Variants in PRKG1 observed in about 807,000 individuals in gnomAD.
The protein encoded by PRKG1 is cGMP-dependent protein kinase 1.
A neutral mutation model predicts 88.1 loss-of-function variants in PRKG1; 35 were observed. The observed-to-expected ratio is 0.40, with a 90% CI of 0.30 to 0.53. The LOEUF (loss-of-function observed/expected upper bound fraction) is 0.53. Ranked by LOEUF, PRKG1 falls within the 20% of genes least tolerant of loss-of-function variation. The pLI is 0.59. For missense variants in PRKG1, 540 were observed against 839.8 expected (o/e 0.64, Z 4.41); for synonymous variants, 303 against 292.5 (o/e 1.04, Z -0.37).
At chr10:51,031,492 T>C (rs565387246) in intron 1 of PRKG1, among the ~76,000 whole-genome samples, 1 of 152,298 alleles carries the variant, frequency 6.6e-6, no homozygotes, top group African/African-American at 2.4e-5. Flanking sequence ...ATTTATTATC[T>C]AGACCCAAGG....
chr10:51,975,927 A>G (rs983210546), intron 5 of PRKG1, among the ~76,000 whole-genome samples: 1 of 152,068 alleles, frequency 6.6e-6, no homozygotes, highest in Non-Finnish European at 1.5e-5. Flanking sequence ...ATAAAAAGAT[A>G]AATAACCCAA....
At chr10:51,706,962 G>C (rs1411876221) in intron 3 of PRKG1, among the ~76,000 whole-genome samples, 2 of 152,022 alleles carry the variant, frequency 1.3e-5, no homozygotes, top group African/African-American at 2.4e-5. Flanking sequence ...AGAGACACAA[G>C]TTTTAGTCTG....
intron 9 of PRKG1, among the ~76,000 whole-genome samples, chr10:52,190,092 G>A (rs1839325718): frequency 6.6e-6 from 1 of 152,162 alleles, no homozygotes; most frequent in Non-Finnish European, 1.5e-5. Flanking sequence ...AGCTCAAATA[G>A]TCCAAATTAG....
chr10:51,478,167 G>A (rs891873239), intron 3 of PRKG1, among the ~76,000 whole-genome samples: 5 of 151,996 alleles, frequency 3.3e-5, no homozygotes, highest in Non-Finnish European at 7.4e-5. Context: ...CTGAGGAGGC[G>A]CCAAGTATAT....
intron 2 of PRKG1, among the ~76,000 whole-genome samples, chr10:51,246,363 A>G (rs1839289632): frequency 6.6e-6 from 1 of 152,082 alleles, no homozygotes; most frequent in African/African-American, 2.4e-5. Flanking sequence ...CAGACAGCAT[A>G]GATAGAGAGA....
chr10:52,085,966 G>A (rs895921627), intron 7 of PRKG1, among the ~76,000 whole-genome samples: 1 of 151,960 alleles, frequency 6.6e-6, no homozygotes, highest in African/African-American at 2.4e-5. Context: ...CTTTACATGA[G>A]ATTCTACAGT....
At chr10:51,406,361 C>T (rs774945013) in intron 2 of PRKG1, among the ~76,000 whole-genome samples, 2 of 152,048 alleles carry the variant, frequency 1.3e-5, no homozygotes, top group Non-Finnish European at 1.5e-5. Context: ...CATGGCATAC[C>T]GTCTTCCTCA....
At chr10:52,064,473 C>T (rs947467530) in intron 7 of PRKG1, among the ~76,000 whole-genome samples, 4 of 152,226 alleles carry the variant, frequency 2.6e-5, no homozygotes, top group Admixed American at 6.5e-5. Flanking sequence ...GTCTAGCTAC[C>T]TCCAAGAGGG....
rs186843536 is a variant in PRKG1 at position 51,659,733 on chromosome 10, T to C, written c.593-144852T>C. Among the ~76,000 whole-genome samples the C allele has an allele frequency of 3.6e-3, 549 of 152,188 alleles. 2 individuals are homozygous for C. Among genetic ancestry groups the C allele is most frequent in the African/African-American group, 0.013 (522 of 41,542 alleles). On this transcript the variant is annotated intron_variant, in intron 3 of 17. Coordinates refer to ENST00000373980, the MANE Select transcript of PRKG1 (RefSeq NM_006258.4). ...CCTATTTATGGAAAAGTATACAAAA[T>C]TGCAAATGCAAACTTGCTAGAGCTC...
chr10:51,426,840 G>T (rs1311341762), intron 2 of PRKG1, among the ~76,000 whole-genome samples: 1 of 152,148 alleles, frequency 6.6e-6, no homozygotes, highest in East Asian at 1.9e-4. Flanking sequence ...GTGCAAGGTG[G>T]ACTTACAGAA....
chr10:51,742,360 A>G (rs767549083), intron 3 of PRKG1, among the ~76,000 whole-genome samples: 1 of 152,208 alleles, frequency 6.6e-6, no homozygotes, highest in Non-Finnish European at 1.5e-5. Context: ...AGAAGATATA[A>G]TAAGGAGAAT....
At chr10:51,830,984 A>G (rs2132752230) in intron 4 of PRKG1, among the ~76,000 whole-genome samples, 1 of 151,842 alleles carries the variant, frequency 6.6e-6, no homozygotes, top group East Asian at 1.9e-4. Flanking sequence ...TTTCCTTACC[A>G]GTTCCACTAG....
At chr10:52,142,786 T>C (rs1837618026) in intron 8 of PRKG1, among the ~76,000 whole-genome samples, 1 of 152,190 alleles carries the variant, frequency 6.6e-6, no homozygotes, top group Admixed American at 6.6e-5. Context: ...TTGGTTCGCC[T>C]GTTGATTTTC....
intron 11 of PRKG1, 29 bp downstream of exon 11, chr10:52,271,518 AC>A: frequency 6.2e-7 from 1 of 1,600,068 alleles, no homozygotes; most frequent in East Asian, 2.2e-5. Context: ...GGACAGACGT[AC>A]CCAACTCCAA....
At chr10:51,857,667 G>A (rs1415030532) in intron 4 of PRKG1, among the ~76,000 whole-genome samples, 8 of 152,172 alleles carry the variant, frequency 5.3e-5, no homozygotes, top group Admixed American at 3.9e-4. Context: ...GGCAATCAGC[G>A]GAAGGGAAAT....
chr10:52,013,039 T>A (rs7893146), intron 5 of PRKG1, among the ~76,000 whole-genome samples: 11 of 152,016 alleles, frequency 7.2e-5, no homozygotes, highest in African/African-American at 2.7e-4. Flanking sequence ...AATGTTGTAG[T>A]CTAATAAAAT....
At chr10:51,934,258 C>CCA (rs1554857095) in intron 5 of PRKG1, among the ~76,000 whole-genome samples, 1 of 146,282 alleles carries the variant, frequency 6.8e-6, no homozygotes, top group East Asian at 2.0e-4. Flanking sequence ...ACACATACCC[C>CCA]CCCCCCAACA....
At chr10:52,237,925 C>A (rs61849164) in intron 9 of PRKG1, among the ~76,000 whole-genome samples, 34,545 of 137,298 alleles carry the variant, frequency 0.25, 4,375 homozygotes, top group Admixed American at 0.27. Context: ...AACTATACTG[C>A]AAGGCTACAG....
At chr10:51,551,808 A>T (rs1837143008) in intron 3 of PRKG1, among the ~76,000 whole-genome samples, 1 of 151,714 alleles carries the variant, frequency 6.6e-6, no homozygotes, top group South Asian at 2.1e-4. Flanking sequence ...TGCTTATTTG[A>T]AGTACTTTTC....
Sources: allele counts gnomAD v4.1 joint callset (sites outside exome capture counted in the v4.1 genomes callset), GRCh38; gene constraint gnomAD v4.1.1; transcripts MANE v1.5; gene names NCBI Gene and HGNC (gene_info 2026-07-23, HGNC 2026-07-21).